The following ALDH1A2 variants were observed in gnomAD, a reference collection of about 807,000 sequenced individuals.
ALDH1A2 encodes the protein retinal dehydrogenase 2.
ALDH1A2 carries 27 observed loss-of-function variants against 60.3 expected under a neutral mutation model. The ratio of observed to expected loss-of-function variants is 0.45; its 90% CI spans 0.33 to 0.62. The LOEUF (loss-of-function observed/expected upper bound fraction) is 0.62. Ranked by LOEUF, ALDH1A2 falls within the 20% of genes least tolerant of loss-of-function variation. ALDH1A2 has a pLI of 0.02. For missense variants in ALDH1A2, 581 were observed against 643.8 expected, an observed-to-expected ratio of 0.90 and a Z score of 1.06; for synonymous variants, 289 against 232.4, an observed-to-expected ratio of 1.24 and a Z score of -2.21.
At chr15:57,988,733 G>A (rs192064507) in intron 7 of ALDH1A2, among the ~76,000 whole-genome samples, 13 of 152,170 alleles carry the variant, frequency 8.5e-5, no homozygotes, top group Non-Finnish European at 1.5e-4. Context: ...CATTTAAAAC[G>A]TTAAAAGATC....
chr15:57,976,272 ATCT>A (rs1336992434), intron 7 of ALDH1A2, among the ~76,000 whole-genome samples: 2 of 152,214 alleles, frequency 1.3e-5, no homozygotes, highest in Admixed American at 1.3e-4. Context: ...GGTACCAGGC[ATCT>A]TCTTCCAGCA....
intron 7 of ALDH1A2, among the ~76,000 whole-genome samples, chr15:57,966,763 C>CTGTG (rs1338987911): frequency 1.8e-4 from 27 of 152,332 alleles, no homozygotes; most frequent in African/African-American, 5.8e-4. Context: ...CTGGCAGAGG[C>CTGTG]TGTGTCAGGC....
Position 58,051,339 on chromosome 15 carries a change from TCTTAAA to T in ALDH1A2, c.117+14189_117+14194del, listed in dbSNP as rs1209685088. Reference sequence around the variant, plus strand: ...TAACATTTTGAGAAATTTTTGTACATCTTAAACTTAATTTTCTCTTTTTATTTATTT... The same window carrying T: ...TAACATTTTGAGAAATTTTTGTACATCTTAATTTTCTCTTTTTATTTATTT... On this transcript the variant is annotated intron_variant, in intron 1 of 12. Coordinates refer to ENST00000249750, the MANE Select transcript of ALDH1A2 (RefSeq NM_003888.4). 3.3e-5 allele frequency among the ~76,000 whole-genome samples: 5 copies of T among 150,586 alleles called. No individual in the cohort carries two copies. The South Asian group carries it at 6.2e-4, about 19-fold the overall frequency.
intron 1 of ALDH1A2, among the ~76,000 whole-genome samples, chr15:58,047,244 T>C (rs1285377974): frequency 6.6e-6 from 1 of 152,066 alleles, no homozygotes; most frequent in East Asian, 1.9e-4. Flanking sequence ...CGTTTTGTTT[T>C]TTTAATAGTA....
In ALDH1A2 at chr15:58,065,586, G is replaced by A; in HGVS notation, c.65C>T (p.Ser22Leu). The change falls in exon 1 of 13, where the codon TCG becomes TTG. Residue 22 changes from serine (S) to leucine (L), a missense_variant. Transcript: ENST00000249750. ...CGTGGGCGACGGCAGGAGGTGCAGC[G>A]ACGCCATGAGGGCGGCGGGGTCGGC... The part of the protein sequence containing the change: ...VKADPAALMA[S>L]LHLLPSPTPN... 1 of 1,613,192 alleles carries A rather than the reference G, an allele frequency of 6.2e-7. No homozygotes were observed. Among genetic ancestry groups the A allele is most frequent in the East Asian group, 2.2e-5 (1 of 44,820 alleles).
intron 1 of ALDH1A2, among the ~76,000 whole-genome samples, chr15:58,047,533 T>C (rs1896665734): frequency 6.6e-6 from 1 of 152,034 alleles, no homozygotes; most frequent in Non-Finnish European, 1.5e-5. Context: ...ATCATTTACC[T>C]ATAAAAAACT....
At position 58,013,363 on chromosome 15, in the gene ALDH1A2, G is replaced by C. The variant is rs542273022; in HGVS notation, c.363+495C>G. On this transcript the variant is annotated intron_variant, in intron 3 of 12. Transcript: ENST00000249750. ...GGGGAGGGGGAGTTTTAGAAAAGAA[G>C]GTACTTACCAGTCATGGCAAGCTCC... 3.3e-5 allele frequency among the ~76,000 whole-genome samples: 5 copies of C among 152,180 alleles called. No individual in the cohort carries two copies. The South Asian group carries it at 1.0e-3, about 32-fold the overall frequency.
intron 5 of ALDH1A2, among the ~76,000 whole-genome samples, chr15:57,993,997 C>T (rs981502096): frequency 1.3e-5 from 2 of 152,152 alleles, no homozygotes; most frequent in Non-Finnish European, 2.9e-5. Flanking sequence ...GGGAGTCCAC[C>T]GTAATGTTTT....
At chr15:57,985,589 C>T (rs1894670585) in intron 7 of ALDH1A2, among the ~76,000 whole-genome samples, 1 of 152,158 alleles carries the variant, frequency 6.6e-6, no homozygotes, top group Non-Finnish European at 1.5e-5. Context: ...CATTTTAAAG[C>T]AGGGGAGGGT....
intron 1 of ALDH1A2, among the ~76,000 whole-genome samples, chr15:58,017,970 G>A (rs1356036283): frequency 6.6e-6 from 1 of 152,124 alleles, no homozygotes; most frequent in Admixed American, 6.5e-5. Flanking sequence ...GGACAACTTT[G>A]TTGGTACATG....
chr15:58,052,926 A>T (rs1343318067), intron 1 of ALDH1A2, among the ~76,000 whole-genome samples: 1 of 152,198 alleles, frequency 6.6e-6, no homozygotes, highest in African/African-American at 2.4e-5. Context: ...GTTTCAAAAC[A>T]CTTTACCTTG....
intron 1 of ALDH1A2, among the ~76,000 whole-genome samples, chr15:58,025,985 A>G (rs1440913957): frequency 5.9e-5 from 9 of 152,174 alleles, no homozygotes; most frequent in African/African-American, 1.7e-4. Context: ...ACCAGGCTCC[A>G]CCTCCAACAT....
chr15:58,029,751 T>TAC (rs1360231108), intron 1 of ALDH1A2, among the ~76,000 whole-genome samples: 1 of 152,132 alleles, frequency 6.6e-6, no homozygotes, highest in Non-Finnish European at 1.5e-5. Context: ...CAGAGAATAC[T>TAC]ATAAACACCT....
At chr15:58,037,182 C>T (rs1025514405) in intron 1 of ALDH1A2, among the ~76,000 whole-genome samples, 1 of 151,254 alleles carries the variant, frequency 6.6e-6, no homozygotes, top group Non-Finnish European at 1.5e-5. Context: ...CCCCAAATCA[C>T]AAAGAATGAG....
intron 7 of ALDH1A2, among the ~76,000 whole-genome samples, chr15:57,967,870 C>T (rs890587459): frequency 5.3e-5 from 8 of 152,182 alleles, no homozygotes; most frequent in Non-Finnish European, 1.0e-4. Context: ...AGGCCCTGTT[C>T]TCACACAGAC....
intron 12 of ALDH1A2, 121 bp from the exon 13 acceptor site, chr15:57,955,390 T>C (rs1288514960): frequency 2.9e-6 from 3 of 1,036,734 alleles, no homozygotes; most frequent in African/African-American, 1.6e-5. Flanking sequence ...GGGATGTTCA[T>C]GTAAAAATTC....
chr15:57,993,538 G>T (rs1159128187), intron 5 of ALDH1A2, among the ~76,000 whole-genome samples: 4 of 152,124 alleles, frequency 2.6e-5, no homozygotes, highest in Non-Finnish European at 4.4e-5. Flanking sequence ...TTTCAAGGTA[G>T]TACTTTTTCT....
At chr15:57,972,209 G>A (rs1036355911) in intron 7 of ALDH1A2, among the ~76,000 whole-genome samples, 40 of 152,290 alleles carry the variant, frequency 2.6e-4, no homozygotes, top group African/African-American at 9.6e-4. Flanking sequence ...CCACTGAGTG[G>A]CAGAGCCAGG....
Position 58,006,516 on chromosome 15 carries a change from C to T in ALDH1A2, c.493+4133G>A, listed in dbSNP as rs545932200. Among the ~76,000 whole-genome samples the T allele has an allele frequency of 7.2e-5, 11 of 151,902 alleles. No individual in the cohort carries two copies. In the South Asian group the frequency reaches 2.3e-3, roughly 32 times the overall value. On this transcript the variant is annotated intron_variant, in intron 4 of 12. Coordinates refer to ENST00000249750, the MANE Select transcript of ALDH1A2 (RefSeq NM_003888.4). ...TTTTTCATATAATGAATTATTTTCC[C>T]TGGGTAGGTACACCCATTAGTGGGA... is the stretch of plus-strand genomic sequence containing the variant.
Sources: gnomAD v4.1 joint callset for allele counts (sites outside exome capture counted in the v4.1 genomes callset) on GRCh38, gnomAD v4.1.1 for gene constraint, MANE v1.5 for transcripts, NCBI Gene and HGNC (gene_info 2026-07-23, HGNC 2026-07-21) for gene names.